WWOX: variants seen among roughly 807,000 people sequenced by gnomAD.
The protein encoded by WWOX is WW domain-containing oxidoreductase.
In WWOX, 69 loss-of-function variants were observed where a neutral mutation model predicts 46.2. The observed-to-expected ratio is 1.49, with a 90% CI of 1.23 to 1.82. The LOEUF is 1.82. Ranked by LOEUF, WWOX falls within the 40% of genes most tolerant of loss-of-function variation. The probability of loss-of-function intolerance (pLI) is 0.00; values close to 1 mark genes in which losing one functional copy is unlikely to be tolerated. For synonymous variants in WWOX, 359 were observed against 202.6 expected (o/e 1.77, Z -6.56); for missense variants, 919 against 542.6 (o/e 1.69, Z -6.89).
At chr16:78,673,572 G>GT (rs1204302102) in intron 8 of WWOX, among the ~76,000 whole-genome samples, 4 of 152,192 alleles carry the variant, frequency 2.6e-5, no homozygotes, top group Non-Finnish European at 4.4e-5. Flanking sequence ...GGGGAAAGGA[G>GT]TTAGACGTTG....
intron 4 of WWOX, among the ~76,000 whole-genome samples, chr16:78,124,637 C>T (rs1197575319): frequency 6.6e-6 from 1 of 152,170 alleles, no homozygotes; most frequent in African/African-American, 2.4e-5. Flanking sequence ...CGGTACATTT[C>T]ATGAAGAGCT....
At chr16:78,960,548 C>T (rs2046252874) in intron 8 of WWOX, among the ~76,000 whole-genome samples, 1 of 152,228 alleles carries the variant, frequency 6.6e-6, no homozygotes, top group South Asian at 2.1e-4. Flanking sequence ...AATATCTCCA[C>T]AAGAGAGCAG....
chr16:78,261,784 C>CTAGATATATATATATATATA (rs1259613713), intron 5 of WWOX, among the ~76,000 whole-genome samples: 1 of 50,896 alleles, frequency 2.0e-5, no homozygotes, highest in African/African-American at 1.2e-4. Context: ...ATCTATCTAT[C>CTAGATATATATATATATATA]TATCTATATA....
intron 5 of WWOX, among the ~76,000 whole-genome samples, chr16:78,249,842 C>A (rs1244328466): frequency 1.7e-5 from 2 of 116,446 alleles, no homozygotes; most frequent in Non-Finnish European, 3.6e-5. Flanking sequence ...GGGGTGGGGG[C>A]TGGGGGCTGG....
intron 8 of WWOX, among the ~76,000 whole-genome samples, chr16:78,474,396 A>G (rs923880455): frequency 3.9e-5 from 6 of 152,334 alleles, no homozygotes; most frequent in African/African-American, 1.4e-4. Context: ...CGATCATCAC[A>G]GAAGATATTT....
At chr16:78,906,139 C>G (rs1355702894) in intron 8 of WWOX, among the ~76,000 whole-genome samples, 3 of 152,126 alleles carry the variant, frequency 2.0e-5, no homozygotes, top group African/African-American at 7.2e-5. Flanking sequence ...AGTCTGTAAA[C>G]CCAAAATCCT....
chr16:78,338,437 G>T (rs192122765), intron 5 of WWOX, among the ~76,000 whole-genome samples: 1 of 120,466 alleles, frequency 8.3e-6, no homozygotes, highest in Non-Finnish European at 2.0e-5. Flanking sequence ...TGCCCTTTTG[G>T]GGGACAAAAT....
At chr16:78,474,663 A>G (rs963303046) in intron 8 of WWOX, among the ~76,000 whole-genome samples, 17 of 152,172 alleles carry the variant, frequency 1.1e-4, no homozygotes, top group African/African-American at 2.2e-4. Context: ...GAGTTGTGCA[A>G]CCATTGCCAC....
intron 8 of WWOX, among the ~76,000 whole-genome samples, chr16:79,023,990 G>C (rs2047587515): frequency 6.6e-6 from 1 of 151,990 alleles, no homozygotes; most frequent in Non-Finnish European, 1.5e-5. Context: ...TTAAGTGAAA[G>C]AAACCAGATG....
intron 8 of WWOX, among the ~76,000 whole-genome samples, chr16:78,603,839 ACT>A (rs1343791358): frequency 1.3e-5 from 2 of 152,162 alleles, no homozygotes; most frequent in Non-Finnish European, 2.9e-5. Flanking sequence ...GTGTCAGTAG[ACT>A]CTCTCAAAAA....
chr16:78,515,977 T>C (rs931459267), intron 8 of WWOX, among the ~76,000 whole-genome samples: 1 of 152,134 alleles, frequency 6.6e-6, no homozygotes, highest in Non-Finnish European at 1.5e-5. Context: ...GTCTCTCTCC[T>C]TCCATCCCCC....
chr16:78,811,614 A>T (rs1597653219), intron 8 of WWOX, among the ~76,000 whole-genome samples: 1 of 151,624 alleles, frequency 6.6e-6, no homozygotes. Context: ...CAGGTGATCC[A>T]CCTGCCTCAG....
At chr16:78,726,398 A>G (rs895497364) in intron 8 of WWOX, among the ~76,000 whole-genome samples, 15 of 151,670 alleles carry the variant, frequency 9.9e-5, no homozygotes, top group African/African-American at 3.6e-4. Flanking sequence ...GCGTATTTTT[A>G]AATTATTTGT....
chr16:78,191,384 A>G (rs981265687), intron 5 of WWOX, among the ~76,000 whole-genome samples: 4 of 152,210 alleles, frequency 2.6e-5, no homozygotes, highest in Non-Finnish European at 5.9e-5. Flanking sequence ...AGGAAAGGTA[A>G]AAAAACATAA....
At chr16:78,274,930 C>A (rs1277598012) in intron 5 of WWOX, among the ~76,000 whole-genome samples, 1 of 152,156 alleles carries the variant, frequency 6.6e-6, no homozygotes, top group Non-Finnish European at 1.5e-5. Context: ...GGTAAGAGAG[C>A]CTTTCCCTTC....
At chr16:78,251,916 G>T (rs7197897) in intron 5 of WWOX, among the ~76,000 whole-genome samples, 215 of 152,304 alleles carry the variant, frequency 1.4e-3, no homozygotes, top group African/African-American at 5.0e-3. Context: ...CATTAGCATG[G>T]TTAATTAAGA....
intron 5 of WWOX, among the ~76,000 whole-genome samples, chr16:78,200,622 G>A (rs1156933502): frequency 1.3e-5 from 2 of 150,868 alleles, no homozygotes; most frequent in African/African-American, 4.9e-5. Flanking sequence ...CATACTGGCA[G>A]ATCTGACTTC....
chr16:78,901,370 A>G (rs559121358), intron 8 of WWOX, among the ~76,000 whole-genome samples: 1 of 152,180 alleles, frequency 6.6e-6, no homozygotes, highest in Non-Finnish European at 1.5e-5. Context: ...AATATTTCGG[A>G]TGGAATTTTG....
intron 5 of WWOX, among the ~76,000 whole-genome samples, chr16:78,337,498 A>G (rs947549546): frequency 2.6e-5 from 4 of 152,126 alleles, no homozygotes; most frequent in South Asian, 2.1e-4. Flanking sequence ...TAACTAGTCT[A>G]TAGTTTACAT....
Sources: gnomAD v4.1 joint callset for allele counts (sites outside exome capture counted in the v4.1 genomes callset) on GRCh38, gnomAD v4.1.1 for gene constraint, MANE v1.5 for transcripts, NCBI Gene and HGNC (gene_info 2026-07-23, HGNC 2026-07-21) for gene names.